The following SMOC1 variants were observed in gnomAD, a reference collection of about 807,000 sequenced individuals.
SMOC1 encodes SPARC-related modular calcium-binding protein 1.
SMOC1 carries 22 observed loss-of-function variants against 56.3 expected under a neutral mutation model. The ratio of observed to expected loss-of-function variants is 0.39; its 90% CI spans 0.28 to 0.56. The LOEUF is 0.56. Among genes scored for constraint, SMOC1 ranks in the 20% least tolerant of loss-of-function variants. SMOC1 has a pLI of 0.61. For missense variants in SMOC1, 509 were observed against 565.4 expected (o/e 0.90, Z 1.01); for synonymous variants, 193 against 215.0 (o/e 0.90, Z 0.89).
At chr14:69,880,153 G>T (rs931286406) in intron 1 of SMOC1, among the ~76,000 whole-genome samples, 79 of 151,310 alleles carry the variant, frequency 5.2e-4, no homozygotes, top group Middle Eastern at 3.4e-3. Context: ...GGTCCAGCGC[G>T]CTGGAGTTGT....
At chr14:69,887,058 T>G (rs1473794874) in intron 1 of SMOC1, among the ~76,000 whole-genome samples, 1 of 152,184 alleles carries the variant, frequency 6.6e-6, no homozygotes, top group Non-Finnish European at 1.5e-5. Flanking sequence ...TAATATCACA[T>G]GCCTGGAAAG....
At chr14:69,917,699 T>C (rs1884722371) in intron 1 of SMOC1, among the ~76,000 whole-genome samples, 1 of 152,226 alleles carries the variant, frequency 6.6e-6, no homozygotes, top group Non-Finnish European at 1.5e-5. Context: ...TCCTCTTTCT[T>C]CACCTTCTTT....
intron 1 of SMOC1, among the ~76,000 whole-genome samples, chr14:69,902,774 G>C (rs571758392): frequency 6.6e-6 from 1 of 152,274 alleles, no homozygotes; most frequent in East Asian, 1.9e-4. Context: ...GCGCCGCCAC[G>C]CCTGACTGGT....
intron 1 of SMOC1, among the ~76,000 whole-genome samples, chr14:69,925,920 A>T (rs1321074783): frequency 1.3e-5 from 2 of 152,162 alleles, no homozygotes; most frequent in Non-Finnish European, 2.9e-5. Context: ...CATCTGGAGA[A>T]GACTGCGCAC....
At chr14:69,987,316 T>C (rs1884400972) in intron 5 of SMOC1, among the ~76,000 whole-genome samples, 1 of 152,200 alleles carries the variant, frequency 6.6e-6, no homozygotes. Context: ...GGACTTGGGA[T>C]TGTTGACAGA....
chr14:69,900,513 A>T lies in SMOC1; in HGVS notation c.99+20736A>T, dbSNP rs1884216173. On this transcript the variant is annotated intron_variant, in intron 1 of 11. Coordinates refer to ENST00000361956, the MANE Select transcript of SMOC1 (RefSeq NM_001034852.3). ...ATCTGGCTCTTCTTATGTGCCGGGT[A>T]CTTTTCTAAGCCCCTTTGCACATAC... is the stretch of plus-strand genomic sequence containing the variant. 2.6e-5 allele frequency among the ~76,000 whole-genome samples: 4 copies of T among 152,302 alleles called. No individual in the cohort carries two copies. The South Asian group carries it at 8.3e-4, about 32-fold the overall frequency.
intron 11 of SMOC1, among the ~76,000 whole-genome samples, chr14:70,027,381 G>C (rs535149441): frequency 2.0e-5 from 3 of 152,126 alleles, no homozygotes; most frequent in African/African-American, 7.2e-5. Flanking sequence ...GGAGTGGCCA[G>C]TGGGGGAGTC....
chr14:69,903,906 A>G, intron 1 of SMOC1, among the ~76,000 whole-genome samples: 1 of 151,876 alleles, frequency 6.6e-6, no homozygotes. Context: ...CAATTAAAAA[A>G]AAAAAAAAAA....
At chr14:69,996,766 G>A (rs901976423) in intron 7 of SMOC1, among the ~76,000 whole-genome samples, 3 of 152,210 alleles carry the variant, frequency 2.0e-5, no homozygotes, top group Non-Finnish European at 4.4e-5. Flanking sequence ...GTTAGAGATT[G>A]ATAACTTAGG....
intron 6 of SMOC1, among the ~76,000 whole-genome samples, chr14:69,993,419 T>A (rs1425973584): frequency 6.6e-6 from 1 of 152,182 alleles, no homozygotes; most frequent in East Asian, 1.9e-4. Flanking sequence ...GTGAAGTCTC[T>A]AAAGTATGAC....
Position 69,921,187 on chromosome 14 carries a change from G to A in SMOC1, c.100-30951G>A, listed in dbSNP as rs372140252. On this transcript the variant is annotated intron_variant, in intron 1 of 11. Transcript: ENST00000361956. ...TCGGCTGTGACTCACAGCCCAGGGA[G>A]GCCATGGTCAGAGTGAGCTAGACTC... 1.7e-3 allele frequency among the ~76,000 whole-genome samples: 255 copies of A among 152,316 alleles called. 6 individuals carry two copies. The South Asian group carries it at 0.052, about 31-fold the overall frequency.
chr14:69,942,441 TG>T (rs752962163), intron 1 of SMOC1, among the ~76,000 whole-genome samples: 4 of 152,194 alleles, frequency 2.6e-5, no homozygotes, highest in Non-Finnish European at 5.9e-5. Flanking sequence ...GTAATTTGCG[TG>T]GAGTACAATT....
intron 1 of SMOC1, among the ~76,000 whole-genome samples, chr14:69,938,974 G>A (rs986706751): frequency 2.0e-5 from 3 of 152,192 alleles, no homozygotes; most frequent in East Asian, 1.9e-4. Context: ...GCATGTCGCT[G>A]TGTTCATCTG....
At chr14:69,997,296 C>T (rs143047568) in intron 7 of SMOC1, among the ~76,000 whole-genome samples, 5 of 152,282 alleles carry the variant, frequency 3.3e-5, no homozygotes, top group East Asian at 3.9e-4. Flanking sequence ...CTTTAATGTC[C>T]GGTTCTGGTG....
intron 7 of SMOC1, among the ~76,000 whole-genome samples, chr14:70,005,246 A>C (rs529682951): frequency 2.2e-4 from 33 of 152,362 alleles, no homozygotes; most frequent in Non-Finnish European, 3.4e-4. Flanking sequence ...CTCTGGGCTA[A>C]AATCAAGTCT....
intron 3 of SMOC1, among the ~76,000 whole-genome samples, chr14:69,955,445 A>C (rs1239395782): frequency 6.6e-6 from 1 of 152,088 alleles, no homozygotes; most frequent in Non-Finnish European, 1.5e-5. Flanking sequence ...GTTATTCACT[A>C]TTATTGTATG....
At chr14:69,907,379 TTATC>T (rs1164803760) in intron 1 of SMOC1, among the ~76,000 whole-genome samples, 6 of 152,252 alleles carry the variant, frequency 3.9e-5, no homozygotes, top group African/African-American at 1.4e-4. Flanking sequence ...TGCTTACTGA[TTATC>T]TATTTTCTTG....
chr14:69,942,637 A>G (rs1351001046), intron 1 of SMOC1, among the ~76,000 whole-genome samples: 1 of 152,136 alleles, frequency 6.6e-6, no homozygotes, highest in Non-Finnish European at 1.5e-5. Flanking sequence ...CTTTTCCAGG[A>G]TGTCACATAA....
Position 70,023,371 on chromosome 14 carries a change from C to T in SMOC1, c.1215C>T (p.Thr405=), listed in dbSNP as rs376161958. Residue 405 remains threonine, a synonymous_variant, in exon 11 of 12, where the codon ACC becomes ACT. Coordinates refer to ENST00000361956, the MANE Select transcript of SMOC1 (RefSeq NM_001034852.3). ...AKPKKCARRF[T]DYCDLNKDKV... ...CCAAGAAATGTGCCCGGCGTTTCAC[C>T]GACTACTGTGACCTGAACAAAGACA... 40 of 1,614,010 alleles carry T rather than the reference C, an allele frequency of 2.5e-5. No individual in the cohort carries two copies. In the East Asian group the frequency reaches 2.9e-4, roughly 12 times the overall value.
Sources: allele counts gnomAD v4.1 joint callset (sites outside exome capture counted in the v4.1 genomes callset), GRCh38; gene constraint gnomAD v4.1.1; transcripts MANE v1.5; gene names NCBI Gene and HGNC (gene_info 2026-07-23, HGNC 2026-07-21).